The following BCL9L variants were observed in gnomAD, a reference collection of about 807,000 sequenced individuals.
BCL9L encodes the protein BCL9 like, also known as B-cell CLL/lymphoma 9-like protein.
A neutral mutation model predicts 99.4 loss-of-function variants in BCL9L; 19 were observed. That is an observed-to-expected ratio of 0.19 (90% CI 0.13 to 0.28). BCL9L has a LOEUF of 0.28. Ranked by LOEUF, BCL9L falls within the 10% of genes least tolerant of loss-of-function variation. The probability of loss-of-function intolerance (pLI) is 1.00; values close to 1 mark genes in which losing one functional copy is unlikely to be tolerated. For missense variants in BCL9L, 2,023 were observed against 2,101.6 expected, an observed-to-expected ratio of 0.96 and a Z score of 0.73; for synonymous variants, 900 against 854.8, an observed-to-expected ratio of 1.05 and a Z score of -0.92.
rs1452622949 is a variant in BCL9L, at chr11:118,898,823, G to A, written c.4092C>T (p.Asn1364=). ...GAGAGGGAGTCTGCTCCGCCATCAT[G>A]TTCTGCAGGTTCATGAGATGCAGAT... ...PPNLHLMNLQ[N]MMAEQTPSRP... is the part of the protein sequence containing the mutation. Residue 1364 remains asparagine, a synonymous_variant, in exon 10 of 10, where the codon AAC becomes AAT. Transcript: ENST00000683865. 5 of 1,613,952 alleles carry A rather than the reference G, an allele frequency of 3.1e-6. No homozygotes were observed. The highest frequency in any genetic ancestry group is 1.3e-5 in the African/African-American group (1 of 74,924).
At chr11:118,919,117 CGA>C (rs1565630206) in intron 1 of BCL9L, among the ~76,000 whole-genome samples, 94 of 37,592 alleles carry the variant, frequency 2.5e-3, no homozygotes, top group Non-Finnish European at 3.0e-3. Context: ...CCCCCCCCCC[CGA>C]CCCCCCAACC....
rs1372607131 is a variant in BCL9L at position 118,902,268 on chromosome 11, G to A, written c.1475C>T (p.Pro492Leu). ...CTGCTGCCCCATGTCCCCACCCGGG[G>A]GGTGCCCAGGCACTTCATGCTCCAG... ...PPLEHEVPGHPPGGDMGQQMN... is the reference protein window; with the variant it reads ...PPLEHEVPGHLPGGDMGQQMN... Residue 492 changes from proline (P) to leucine (L), a missense_variant, in exon 8 of 10, where the codon CCC (proline) becomes CTC (leucine). Coordinates refer to ENST00000683865, the MANE Select transcript of BCL9L (RefSeq NM_001378213.1). This position sits in a 1 kb window ranked among gnomAD's most constrained non-coding sequence, Gnocchi z 7.8. 3 of 1,596,928 alleles carry A rather than the reference G, an allele frequency of 1.9e-6. No individual in the cohort carries two copies. In the South Asian group the frequency reaches 3.4e-5, roughly 18 times the overall value.
intron 2 of BCL9L, chr11:118,911,265 G>C (rs1407445997): frequency 2.2e-6 from 1 of 455,736 alleles, no homozygotes; most frequent in South Asian, 1.5e-5. Context: ...CAGGAGCTTC[G>C]TCCCGGTGAC....
intron 2 of BCL9L, among the ~76,000 whole-genome samples, chr11:118,916,741 G>A (rs549423612): frequency 9.5e-4 from 145 of 152,336 alleles, no homozygotes; most frequent in Non-Finnish European, 1.5e-3. Context: ...CTGCCCCTCA[G>A]AGAAATGCCC....
chr11:118,898,210 A>T lies in BCL9L; in HGVS notation c.*205T>A. 5.6e-6 allele frequency: 4 copies of T among 710,332 alleles called. No individual in the cohort carries two copies. The highest frequency in any genetic ancestry group is 9.1e-6 in the Non-Finnish European group (4 of 440,850). 44.0% of individuals were successfully genotyped at this position (710,332 alleles called of 1,614,324 possible). A position where few individuals can be genotyped will look rare whatever the true frequency, so the allele number is the denominator to read the frequency against. On this transcript the variant is annotated 3_prime_UTR_variant, in exon 10 of 10. Coordinates refer to ENST00000683865, the MANE Select transcript of BCL9L (RefSeq NM_001378213.1). ...TGGTGGCCGAAATGGAACCAACCCC[A>T]ATGCAAAATCCCCCACCCCACACTG... is the stretch of plus-strand genomic sequence containing the variant.
intron 5 of BCL9L, among the ~76,000 whole-genome samples, chr11:118,905,637 T>C (rs767238054): frequency 3.4e-5 from 5 of 148,762 alleles, no homozygotes; most frequent in Admixed American, 6.7e-5. Flanking sequence ...GCCAACATGC[T>C]AAAACTCCAC....
chr11:118,900,555 A>C lies in BCL9L; in HGVS notation c.3124+64T>G. The stretch of plus-strand genomic sequence containing the variant: ...CCTTACTCACTCACTGCCCAGCCCC[A>C]GCATGGACACACTGCTCAGCGCCTG... On this transcript the variant is annotated intron_variant, in intron 8 of 9. Coordinates refer to ENST00000683865, the MANE Select transcript of BCL9L (RefSeq NM_001378213.1). The surrounding 1 kb of genome is among the most constrained non-coding windows in gnomAD (Gnocchi z 5.3). 6.5e-7 allele frequency: 1 copy of C among 1,539,472 alleles called. No homozygotes were observed. The highest frequency in any genetic ancestry group is 8.7e-7 in the Non-Finnish European group (1 of 1,146,718).
At chr11:118,907,695 C>A (rs1940584910) in intron 4 of BCL9L, 93 bp from the exon 5 acceptor site, 1 of 1,548,286 alleles carries the variant, frequency 6.5e-7, no homozygotes. Context: ...CTCTAAGATG[C>A]CCCACCCTAG....
At chr11:118,917,555 A>G (rs542696664) in intron 2 of BCL9L, among the ~76,000 whole-genome samples, 56 of 152,276 alleles carry the variant, frequency 3.7e-4, no homozygotes, top group African/African-American at 1.3e-3. Context: ...AATACTCCAG[A>G]TGCACCACAG....
chr11:118,923,523 A>G (rs1941202497), intron 1 of BCL9L, among the ~76,000 whole-genome samples: 1 of 152,106 alleles, frequency 6.6e-6, no homozygotes, highest in Non-Finnish European at 1.5e-5. Context: ...ACCCTGTAGT[A>G]TCTCTCCGGT....
In BCL9L at chr11:118,908,437, G is replaced by A. The variant is rs756677452; in HGVS notation, c.245C>T (p.Ala82Val). 1.1e-5 allele frequency: 18 copies of A among 1,613,956 alleles called. No individual in the cohort carries two copies. The highest frequency in any genetic ancestry group is 6.7e-5 in the East Asian group (3 of 44,890). ...SKGVGAGNHG[A>V]KANQISPSNS... ...GCTAGGCGAGATCTGGTTGGCCTTG[G>A]CCCCATGGTTCCCCGCCCCCACGCC... Residue 82 changes from alanine (A) to valine (V), a missense_variant, in exon 4 of 10, where the codon GCC becomes GTC. By Grantham distance (64) the Ala-to-Val change is moderately conservative. Around this residue, in one of 3 missense-constraint regions of BCL9L, gnomAD observed 1,116 missense variants for 1,194.6 expected, o/e 0.93. Transcript: ENST00000683865.
At position 118,898,308 on chromosome 11, in the gene BCL9L, C is replaced by CCCCCCCCCCCCCCCCCCCCCCCCAG; in HGVS notation, c.*106_*107insCTGGGGGGGGGGGGGGGGGGGGGGG. ...TCCCTACACAAGCCCCCTCCCACCCCCTCCACCCCACCCCGCGACCCAGGC... is the reference window on the plus strand; with the variant it reads ...TCCCTACACAAGCCCCCTCCCACCCCCCCCCCCCCCCCCCCCCCCCCCCAGCTCCACCCCACCCCGCGACCCAGGC... On this transcript the variant is annotated 3_prime_UTR_variant, in exon 10 of 10. Coordinates refer to ENST00000683865, the MANE Select transcript of BCL9L (RefSeq NM_001378213.1). 1.8e-6 allele frequency: 1 copy of CCCCCCCCCCCCCCCCCCCCCCCCAG among 562,548 alleles called. No homozygotes were observed. 34.8% of individuals were successfully genotyped at this position (562,548 alleles called of 1,614,324 possible). A position where few individuals can be genotyped will look rare whatever the true frequency, so the allele number is the denominator to read the frequency against.
At chr11:118,917,779 G>A (rs1039484942) in intron 2 of BCL9L, among the ~76,000 whole-genome samples, 1 of 152,062 alleles carries the variant, frequency 6.6e-6, no homozygotes, top group African/African-American at 2.4e-5. Context: ...CCCCAGCCCC[G>A]CCCAACTCCA....
Position 118,901,375 on chromosome 11 carries a change from G to T in BCL9L, c.2368C>A (p.Pro790Thr). 3 of 1,613,868 alleles carry T rather than the reference G, an allele frequency of 1.9e-6. No homozygotes were observed. The highest frequency in any genetic ancestry group is 2.5e-6 in the Non-Finnish European group (3 of 1,179,970). Residue 790 changes from proline (P) to threonine (T), a missense_variant, in exon 8 of 10, where the codon CCG becomes ACG. By Grantham distance (38) the Pro-to-Thr change is conservative. Coordinates refer to ENST00000683865, the MANE Select transcript of BCL9L (RefSeq NM_001378213.1). This position sits in a 1 kb window ranked among gnomAD's most constrained non-coding sequence, Gnocchi z 6.6. ...TGCGACATCAGCATCTGCTGCTGCG[G>T]GGTCATCTGCACGTTCAGGTTCATG... Reference protein sequence around the residue: ...MNMNLNVQMTPQQQMLMSQKM... With the variant: ...MNMNLNVQMTTQQQMLMSQKM...
At position 118,902,198 on chromosome 11, in the gene BCL9L, A is replaced by G. The variant is rs2137694918; in HGVS notation, c.1545T>C (p.Pro515=). The G allele has an allele frequency of 6.2e-7, 1 of 1,614,062 alleles. No individual in the cohort carries two copies. Among genetic ancestry groups the G allele is most frequent in the Non-Finnish European group, 8.5e-7 (1 of 1,179,982 alleles). The change falls in exon 8 of 10, where the codon CCT becomes CCC. Residue 515 remains proline, a synonymous_variant. Coordinates refer to ENST00000683865, the MANE Select transcript of BCL9L (RefSeq NM_001378213.1). The surrounding 1 kb of genome is among the most constrained non-coding windows in gnomAD (Gnocchi z 7.8). ...IQRLGQDSLT[P]EQVAWRKLQE... ...GCAGCTTGCGCCAGGCCACCTGCTC[A>G]GGCGTGAGGCTGTCCTGGCCCAGCC... is the stretch of plus-strand genomic sequence containing the variant.
At chr11:118,908,185 A>T in intron 4 of BCL9L, 85 bp downstream of exon 4, 2 of 1,484,456 alleles carry the variant, frequency 1.3e-6, no homozygotes, top group Non-Finnish European at 1.8e-6. Context: ...CTGGACAAGC[A>T]GGGAGCAGAG....
intron 2 of BCL9L, among the ~76,000 whole-genome samples, chr11:118,915,626 T>C (rs1940941817): frequency 6.6e-6 from 1 of 152,102 alleles, no homozygotes; most frequent in Non-Finnish European, 1.5e-5. Context: ...CTCAGGACCA[T>C]GTCTCAAAAG....
chr11:118,904,162 C>T (rs761100689), intron 5 of BCL9L, among the ~76,000 whole-genome samples: 3 of 152,220 alleles, frequency 2.0e-5, no homozygotes, highest in Non-Finnish European at 2.9e-5. Context: ...AACAGAGAGC[C>T]GGGAGCGGTG....
chr11:118,899,398 C>A lies in BCL9L; in HGVS notation c.3517G>T (p.Ala1173Ser). The A allele has an allele frequency of 7.7e-7, 1 of 1,305,260 alleles. No homozygotes were observed. Among genetic ancestry groups the A allele is most frequent in the Non-Finnish European group, 1.1e-6 (1 of 950,032 alleles). 80.9% of individuals were successfully genotyped at this position (1,305,260 alleles called of 1,614,324 possible). The change falls in exon 10 of 10, where the codon GCC (alanine) becomes TCC (serine). Residue 1173 changes from alanine (A) to serine (S), a missense_variant. Ala to Ser is a moderately conservative substitution (Grantham distance 99). Coordinates refer to ENST00000683865, the MANE Select transcript of BCL9L (RefSeq NM_001378213.1). ...QQPLSHEPPPAMLPSPTPLGS... is the reference protein window; with the variant it reads ...QQPLSHEPPPSMLPSPTPLGS... ...AGAGGGGTGGGGGAGGGCAGCATGG[C>A]GGGCGGGGGCTCATGGGACAGGGGC...
Sources: gnomAD v4.1 joint callset for allele counts (sites outside exome capture counted in the v4.1 genomes callset) on GRCh38, gnomAD v4.1.1 for gene constraint, gnomAD v4.1.1 regional missense constraint, Gnocchi (gnomAD v3.1) non-coding constraint, MANE v1.5 for transcripts, NCBI Gene and HGNC (gene_info 2026-07-23, HGNC 2026-07-21) for gene names.